RBFOX1: variants seen among roughly 807,000 people sequenced by gnomAD.
RBFOX1 encodes RNA binding protein fox-1 homolog 1.
RBFOX1 carries 8 observed loss-of-function variants against 57.7 expected under a neutral mutation model. The ratio of observed to expected loss-of-function variants is 0.14; its 90% CI spans 0.08 to 0.25. The LOEUF (loss-of-function observed/expected upper bound fraction) is 0.25, where lower values mean the gene tolerates loss of function less well. Among genes scored for constraint, RBFOX1 ranks in the 10% least tolerant of loss-of-function variants. The pLI is 1.00. For missense variants in RBFOX1, 611 were observed against 548.5 expected (o/e 1.11, Z -1.14); for synonymous variants, 326 against 222.4 (o/e 1.47, Z -4.15).
intron 4 of RBFOX1, among the ~76,000 whole-genome samples, chr16:7,447,058 C>G (rs879748872): frequency 2.0e-5 from 3 of 151,738 alleles, no homozygotes; most frequent in Non-Finnish European, 4.4e-5. Flanking sequence ...GTGATCTACC[C>G]GCCTTAGCCT....
At chr16:7,618,431 T>A (rs180946295) in intron 10 of RBFOX1, among the ~76,000 whole-genome samples, 18 of 152,318 alleles carry the variant, frequency 1.2e-4, no homozygotes, top group Non-Finnish European at 2.4e-4. Flanking sequence ...TAATTACTAA[T>A]CTAGTGCCTA....
intron 2 of RBFOX1, among the ~76,000 whole-genome samples, chr16:6,399,819 C>A (rs952646409): frequency 6.6e-5 from 10 of 152,294 alleles, no homozygotes; most frequent in African/African-American, 1.9e-4. Context: ...CTAAGGAGGC[C>A]TCAGGAAAGT....
At chr16:6,662,732 C>A (rs1408920073) in intron 3 of RBFOX1, among the ~76,000 whole-genome samples, 1 of 152,156 alleles carries the variant, frequency 6.6e-6, no homozygotes, top group Non-Finnish European at 1.5e-5. Context: ...GAGCCCCTGA[C>A]AGGCAATTCT....
At chr16:7,443,240 A>G (rs1037646186) in intron 4 of RBFOX1, among the ~76,000 whole-genome samples, 3 of 151,432 alleles carry the variant, frequency 2.0e-5, no homozygotes, top group Non-Finnish European at 4.4e-5. Flanking sequence ...CAACAAATGC[A>G]TTTCTCCAGT....
intron 4 of RBFOX1, among the ~76,000 whole-genome samples, chr16:7,378,713 C>T (rs1349651463): frequency 6.6e-6 from 1 of 152,094 alleles, no homozygotes; most frequent in Non-Finnish European, 1.5e-5. Context: ...CCTGCATCCG[C>T]CAAACCCTGG....
At chr16:7,019,145 A>G (rs979312928) in intron 3 of RBFOX1, among the ~76,000 whole-genome samples, 4 of 151,986 alleles carry the variant, frequency 2.6e-5, no homozygotes, top group Non-Finnish European at 4.4e-5. Context: ...GTTGAAAATA[A>G]CCATTCCTTT....
chr16:5,422,826 G>T (rs1466730016), intron 1 of RBFOX1, among the ~76,000 whole-genome samples: 2 of 140,046 alleles, frequency 1.4e-5, no homozygotes, highest in African/African-American at 5.4e-5. Context: ...GGAGTGGGAG[G>T]AGGAGGGAGG....
At chr16:6,709,841 G>A (rs189231253) in intron 3 of RBFOX1, among the ~76,000 whole-genome samples, 4 of 152,110 alleles carry the variant, frequency 2.6e-5, no homozygotes, top group Non-Finnish European at 4.4e-5. Flanking sequence ...ACGCTGGCTG[G>A]TACACAACCG....
intron 3 of RBFOX1, among the ~76,000 whole-genome samples, chr16:6,984,438 A>G (rs969252964): frequency 6.6e-6 from 1 of 152,142 alleles, no homozygotes; most frequent in African/African-American, 2.4e-5. Context: ...ACGAACCATC[A>G]GGAAAACAAT....
At position 6,992,263 on chromosome 16, in the gene RBFOX1, A is replaced by G. The variant is rs546313260; in HGVS notation, c.-15-59794A>G. Among the ~76,000 whole-genome samples, 18 of 151,596 alleles carry G rather than the reference A, an allele frequency of 1.2e-4. No individual in the cohort carries two copies. The East Asian group carries it at 3.5e-3, about 30-fold the overall frequency. On this transcript the variant is annotated intron_variant, in intron 3 of 15. Transcript: ENST00000550418. ...ACTGCAGCCTCTGCCTCCCGGATTC[A>G]AGGGATTTTCCTGGTGCAATCTCGG... is the stretch of plus-strand genomic sequence containing the variant.
At chr16:5,678,712 C>G (rs1372038829) in intron 3 of RBFOX1, among the ~76,000 whole-genome samples, 1 of 152,196 alleles carries the variant, frequency 6.6e-6, no homozygotes, top group Non-Finnish European at 1.5e-5. Context: ...TGTCTTTGGA[C>G]AAATGGTACA....
intron 2 of RBFOX1, among the ~76,000 whole-genome samples, chr16:5,504,803 T>C (rs2043322939): frequency 6.6e-6 from 1 of 152,152 alleles, no homozygotes; most frequent in Non-Finnish European, 1.5e-5. Flanking sequence ...AGGGAGTAAC[T>C]GGCCATGAGC....
At chr16:6,263,724 G>A (rs1038378453) in intron 1 of RBFOX1, among the ~76,000 whole-genome samples, 25 of 151,932 alleles carry the variant, frequency 1.6e-4, no homozygotes, top group African/African-American at 6.0e-4. Context: ...CTTTTTGTTT[G>A]TAAATTTGTC....
At chr16:7,708,940 C>G in intron 14 of RBFOX1, 116 bp from the exon 15 acceptor site, 1 of 884,776 alleles carries the variant, frequency 1.1e-6, no homozygotes, top group Non-Finnish European at 1.8e-6. Context: ...GAATTTGCTT[C>G]TCACTGGAAG....
intron 4 of RBFOX1, among the ~76,000 whole-genome samples, chr16:7,467,973 T>C (rs577491817): frequency 1.3e-5 from 2 of 152,350 alleles, no homozygotes; most frequent in South Asian, 4.1e-4. Context: ...GGAAAACCTT[T>C]AGCTGAATCC....
chr16:5,339,471 T>G (rs544108926), intron 1 of RBFOX1, among the ~76,000 whole-genome samples: 58 of 37,368 alleles, frequency 1.6e-3, no homozygotes, highest in Admixed American at 7.0e-3. Context: ...TTTTTCCGTG[T>G]TTTTTTTTTT....
At chr16:7,050,742 C>T (rs1364121843) in intron 3 of RBFOX1, among the ~76,000 whole-genome samples, 1 of 152,140 alleles carries the variant, frequency 6.6e-6, no homozygotes, top group African/African-American at 2.4e-5. Context: ...GCCATACTAT[C>T]AGTATACTAT....
chr16:7,611,089 A>G (rs982063807), intron 10 of RBFOX1, among the ~76,000 whole-genome samples: 3 of 152,210 alleles, frequency 2.0e-5, no homozygotes, highest in African/African-American at 7.2e-5. Context: ...GACATGTTTT[A>G]TAATATTCTC....
intron 3 of RBFOX1, among the ~76,000 whole-genome samples, chr16:6,830,710 C>G (rs576256525): frequency 2.6e-5 from 4 of 152,292 alleles, no homozygotes; most frequent in South Asian, 2.1e-4. Context: ...AAACGTTGCT[C>G]TATCATGGTT....
Sources: gnomAD v4.1 joint callset for allele counts (sites outside exome capture counted in the v4.1 genomes callset) on GRCh38, gnomAD v4.1.1 for gene constraint, MANE v1.5 for transcripts, NCBI Gene and HGNC (gene_info 2026-07-23, HGNC 2026-07-21) for gene names.